The following SLCO5A1 variants were observed in gnomAD, a reference collection of about 807,000 sequenced individuals.
SLCO5A1 encodes the protein organic anion transporter polypeptide-related protein 4.
SLCO5A1 carries 39 observed loss-of-function variants against 65.1 expected under a neutral mutation model. That is an observed-to-expected ratio of 0.60 (90% CI 0.46 to 0.78). The LOEUF is 0.78. SLCO5A1 is among the 30% of genes least tolerant of loss of function. The pLI is 0.00. For synonymous variants in SLCO5A1, 438 were observed against 415.7 expected (o/e 1.05, Z -0.65); for missense variants, 1,029 against 1,069.4 (o/e 0.96, Z 0.53).
chr8:69,800,510 T>C (rs2130902429), intron 2 of SLCO5A1, among the ~76,000 whole-genome samples: 1 of 152,252 alleles, frequency 6.6e-6, no homozygotes, highest in Middle Eastern at 3.4e-3. Context: ...AACAGCAGAA[T>C]TCCTAGGAAA....
chr8:69,773,669 C>G (rs565494144), intron 2 of SLCO5A1, among the ~76,000 whole-genome samples: 8 of 152,334 alleles, frequency 5.3e-5, no homozygotes, highest in African/African-American at 1.9e-4. Context: ...TATTGAATTT[C>G]TATAGTAAAA....
chr8:69,732,462 A>T (rs949061368), intron 5 of SLCO5A1, among the ~76,000 whole-genome samples: 14 of 152,262 alleles, frequency 9.2e-5, no homozygotes, highest in African/African-American at 3.4e-4. Context: ...GAGTGGATGG[A>T]AGTGGAATCC....
At chr8:69,807,796 C>T (rs1158743159) in intron 2 of SLCO5A1, among the ~76,000 whole-genome samples, 5 of 152,160 alleles carry the variant, frequency 3.3e-5, no homozygotes, top group Non-Finnish European at 7.3e-5. Flanking sequence ...CTCTGCCTCC[C>T]GGGTTCATGC....
intron 9 of SLCO5A1, among the ~76,000 whole-genome samples, chr8:69,674,961 A>G (rs1813489181): frequency 6.6e-6 from 1 of 151,378 alleles, no homozygotes; most frequent in Non-Finnish European, 1.5e-5. Flanking sequence ...AAACACTTGA[A>G]CCCTAGAGGC....
At chr8:69,803,619 A>G (rs1019757851) in intron 2 of SLCO5A1, among the ~76,000 whole-genome samples, 3 of 152,186 alleles carry the variant, frequency 2.0e-5, no homozygotes, top group African/African-American at 7.2e-5. Context: ...GCAAATTCTC[A>G]GCTCCCCTCT....
At chr8:69,711,927 T>C (rs912370938) in intron 5 of SLCO5A1, among the ~76,000 whole-genome samples, 6 of 152,232 alleles carry the variant, frequency 3.9e-5, no homozygotes, top group Admixed American at 2.0e-4. Context: ...AATTTGCACA[T>C]ATATATTGGA....
Position 69,673,094 on chromosome 8 carries a change from T to C in SLCO5A1, c.2322A>G (p.Glu774=). The C allele has an allele frequency of 6.2e-7, 1 of 1,614,220 alleles. No individual in the cohort carries two copies. ...TCTCACTCACGGTGCTCAGGGGAAA[T>C]TCTCTCTGCCTCCGCCTCTGCAGTC... The part of the protein sequence containing the change: ...EDGLQRRRQR[E]FPLSTVSERV... Residue 774 remains glutamate (E), a synonymous_variant, in exon 10 of 10, where the codon GAA becomes GAG. Coordinates refer to ENST00000260126, the MANE Select transcript of SLCO5A1 (RefSeq NM_030958.3).
intron 5 of SLCO5A1, among the ~76,000 whole-genome samples, chr8:69,714,146 T>TA (rs1320782393): frequency 6.6e-6 from 1 of 152,220 alleles, no homozygotes; most frequent in Non-Finnish European, 1.5e-5. Flanking sequence ...CTTACTGTTG[T>TA]AAAAAATTTC....
chr8:69,807,027 T>C (rs149045535), intron 2 of SLCO5A1, among the ~76,000 whole-genome samples: 2 of 152,330 alleles, frequency 1.3e-5, no homozygotes, highest in African/African-American at 4.8e-5. Flanking sequence ...AGAGCTCGAT[T>C]AGCCAAGGCA....
At chr8:69,763,614 C>CAAAAAAAAAAAAA (rs770191440) in intron 2 of SLCO5A1, among the ~76,000 whole-genome samples, 1 of 13,160 alleles carries the variant, frequency 7.6e-5, no homozygotes, top group Non-Finnish European at 1.6e-4. Context: ...AGCAAGACTC[C>CAAAAAAAAAAAAA]AAAAAAAAAA....
chr8:69,830,256 T>C (rs1821103654), intron 2 of SLCO5A1, among the ~76,000 whole-genome samples: 1 of 152,226 alleles, frequency 6.6e-6, no homozygotes, highest in Non-Finnish European at 1.5e-5. Flanking sequence ...TTATATTGGA[T>C]ATCATTTACA....
chr8:69,678,874 T>C (rs1417639743), intron 8 of SLCO5A1, among the ~76,000 whole-genome samples: 1 of 151,626 alleles, frequency 6.6e-6, no homozygotes, highest in South Asian at 2.1e-4. Context: ...TTTTATATGA[T>C]AGTAAAATTA....
At chr8:69,722,919 CTA>C (rs1351851328) in intron 5 of SLCO5A1, among the ~76,000 whole-genome samples, 1 of 152,056 alleles carries the variant, frequency 6.6e-6, no homozygotes, top group Non-Finnish European at 1.5e-5. Flanking sequence ...CAGTGACTGA[CTA>C]TTCTTGATGC....
chr8:69,809,109 A>T (rs1820123842), intron 2 of SLCO5A1, among the ~76,000 whole-genome samples: 1 of 152,182 alleles, frequency 6.6e-6, no homozygotes, highest in African/African-American at 2.4e-5. Flanking sequence ...CTCAAAATAA[A>T]TAAATAAATA....
intron 5 of SLCO5A1, among the ~76,000 whole-genome samples, chr8:69,728,735 G>T (rs564544055): frequency 2.0e-5 from 3 of 152,124 alleles, no homozygotes; most frequent in Admixed American, 6.5e-5. Flanking sequence ...AAATAATTAT[G>T]TTAAAGTCAT....
chr8:69,685,380 A>C (rs1309484212), intron 6 of SLCO5A1, among the ~76,000 whole-genome samples: 1 of 152,236 alleles, frequency 6.6e-6, no homozygotes, highest in Admixed American at 6.5e-5. Flanking sequence ...AAAATGCACA[A>C]GGACTATTTA....
chr8:69,763,739 A>G (rs1817918778), intron 2 of SLCO5A1, among the ~76,000 whole-genome samples: 1 of 151,690 alleles, frequency 6.6e-6, no homozygotes, highest in Non-Finnish European at 1.5e-5. Flanking sequence ...AAATTATAAA[A>G]TAAGTAATAT....
intron 5 of SLCO5A1, among the ~76,000 whole-genome samples, chr8:69,732,824 G>A (rs2130838255): frequency 6.6e-6 from 1 of 152,192 alleles, no homozygotes; most frequent in Admixed American, 6.5e-5. Context: ...AAGAGGCAGA[G>A]GTTGCAGTGA....
At chr8:69,722,776 G>GGTGTGTGTGTGTGTGTGTGTGT (rs56353428) in intron 5 of SLCO5A1, among the ~76,000 whole-genome samples, 2 of 148,036 alleles carry the variant, frequency 1.4e-5, no homozygotes, top group African/African-American at 5.0e-5. Flanking sequence ...ACACATGCAT[G>GGTGTGTGTGTGTGTGTGTGTGT]GTGTGTGTGT....
Sources: gnomAD v4.1 joint callset for allele counts (sites outside exome capture counted in the v4.1 genomes callset) on GRCh38, gnomAD v4.1.1 for gene constraint, MANE v1.5 for transcripts, NCBI Gene and HGNC (gene_info 2026-07-23, HGNC 2026-07-21) for gene names.